AGBL4: variants seen among roughly 807,000 people sequenced by gnomAD.
AGBL4 encodes the protein AGBL carboxypeptidase 4.
In AGBL4, 58 loss-of-function variants were observed where a neutral mutation model predicts 66.4. The ratio of observed to expected loss-of-function variants is 0.87; its 90% CI spans 0.71 to 1.09. The LOEUF is 1.09. AGBL4 is among the 50% of genes least tolerant of loss of function. AGBL4 has a pLI of 0.00. For synonymous variants in AGBL4, 234 were observed against 222.9 expected (o/e 1.05, Z -0.44); for missense variants, 579 against 631.0 (o/e 0.92, Z 0.88).
At chr1:48,532,055 A>T (rs2148247712), downstream of AGBL4, among the ~76,000 whole-genome samples, 1 of 152,256 alleles carries the variant, frequency 6.6e-6, no homozygotes, top group South Asian at 2.1e-4. Context: ...AAGTGTTGGG[A>T]TTACAGGTGT....
intron 3 of AGBL4, among the ~76,000 whole-genome samples, chr1:49,260,990 A>G (rs1377326313): frequency 3.3e-5 from 5 of 151,496 alleles, no homozygotes; most frequent in Non-Finnish European, 5.9e-5. Context: ...CCTGCGATGC[A>G]AGGCTGGTTC....
chr1:48,883,761 T>A lies in AGBL4; in HGVS notation c.595-16531A>T, dbSNP rs574889144. On this transcript the variant is annotated intron_variant, in intron 5 of 13. Coordinates refer to ENST00000371839, the MANE Select transcript of AGBL4 (RefSeq NM_032785.4). ...TCGATAAATTAATAAAGGAGCAGAA[T>A]CAAAATAGTCTACAGAGTTGGTAAA... is the stretch of plus-strand genomic sequence containing the variant. Among the ~76,000 whole-genome samples the A allele has an allele frequency of 2.6e-5, 4 of 152,232 alleles. No homozygotes were observed. In the South Asian group the frequency reaches 6.2e-4, roughly 24 times the overall value.
At chr1:49,398,082 C>T (rs1293811141) in intron 3 of AGBL4, among the ~76,000 whole-genome samples, 4 of 152,194 alleles carry the variant, frequency 2.6e-5, no homozygotes, top group Non-Finnish European at 5.9e-5. Flanking sequence ...TGCTCTTCCT[C>T]ATTTGTCTCC....
chr1:49,702,069 T>A (rs1425949401), intron 2 of AGBL4, among the ~76,000 whole-genome samples: 2 of 151,932 alleles, frequency 1.3e-5, no homozygotes, highest in Non-Finnish European at 2.9e-5. Flanking sequence ...TAAAAATAAA[T>A]ATGGATATCT....
chr1:48,856,255 G>C (rs866142791), intron 6 of AGBL4, among the ~76,000 whole-genome samples: 2 of 152,220 alleles, frequency 1.3e-5, no homozygotes, highest in Non-Finnish European at 2.9e-5. Flanking sequence ...GCAACATGGA[G>C]ATTGTTTATG....
At chr1:48,607,653 C>T (rs151214344) in intron 9 of AGBL4, among the ~76,000 whole-genome samples, 6 of 151,936 alleles carry the variant, frequency 3.9e-5, no homozygotes, top group Admixed American at 6.6e-5. Context: ...GTCTGTTGAA[C>T]GGCACCATTC....
At chr1:49,512,581 C>G (rs893988684) in intron 3 of AGBL4, among the ~76,000 whole-genome samples, 3 of 151,786 alleles carry the variant, frequency 2.0e-5, no homozygotes, top group African/African-American at 7.3e-5. Context: ...TGTGACATAC[C>G]TGCTCCCTCT....
intron 6 of AGBL4, among the ~76,000 whole-genome samples, chr1:48,805,774 C>T (rs2148749831): frequency 6.6e-6 from 1 of 152,334 alleles, no homozygotes; most frequent in East Asian, 1.9e-4. Flanking sequence ...TCTCCCATCT[C>T]ATGCTCTATG....
chr1:49,625,918 A>AT, intron 3 of AGBL4, among the ~76,000 whole-genome samples: 1 of 152,258 alleles, frequency 6.6e-6, no homozygotes, highest in Non-Finnish European at 1.5e-5. Flanking sequence ...ATCAGCAAGG[A>AT]TATGAATGTC....
At chr1:48,539,834 T>C (rs771451854) in intron 11 of AGBL4, 96 bp from the exon 12 acceptor site, 161 of 785,414 alleles carry the variant, frequency 2.0e-4, no homozygotes, top group Non-Finnish European at 2.6e-4. Context: ...ATAAAAACAG[T>C]TACACACTCA....
intron 9 of AGBL4, among the ~76,000 whole-genome samples, chr1:48,617,669 GGGCT>G (rs1416001098): frequency 6.6e-6 from 1 of 151,998 alleles, no homozygotes; most frequent in African/African-American, 2.4e-5. Context: ...TCTGTCCTAC[GGGCT>G]GGCCGTTGTT....
At chr1:49,023,691 G>A (rs1177877731) in intron 5 of AGBL4, among the ~76,000 whole-genome samples, 1 of 152,036 alleles carries the variant, frequency 6.6e-6, no homozygotes, top group Non-Finnish European at 1.5e-5. Flanking sequence ...GAATCCAAAA[G>A]GTCAGCTACA....
chr1:48,974,267 C>A (rs1342157240), intron 5 of AGBL4, among the ~76,000 whole-genome samples: 8 of 152,088 alleles, frequency 5.3e-5, no homozygotes, highest in Non-Finnish European at 1.2e-4. Flanking sequence ...TCAGAAGAGT[C>A]CCCCATTACC....
chr1:49,832,959 T>C (rs1055743950), intron 2 of AGBL4, among the ~76,000 whole-genome samples: 11 of 152,004 alleles, frequency 7.2e-5, no homozygotes, highest in Non-Finnish European at 1.3e-4. Context: ...TTCACTCTGA[T>C]GGTAGTTTCT....
At chr1:49,733,284 A>C (rs886315921) in intron 2 of AGBL4, among the ~76,000 whole-genome samples, 5 of 152,206 alleles carry the variant, frequency 3.3e-5, no homozygotes, top group Non-Finnish European at 7.3e-5. Flanking sequence ...AATAATAAGA[A>C]AGTCTTTCAA....
intron 6 of AGBL4, among the ~76,000 whole-genome samples, chr1:48,827,143 A>T (rs1002770090): frequency 1.3e-5 from 2 of 152,158 alleles, no homozygotes; most frequent in Admixed American, 6.5e-5. Flanking sequence ...TCAGTATGCT[A>T]TTACTGTACT....
chr1:49,467,316 G>A (rs1466775376), intron 3 of AGBL4, among the ~76,000 whole-genome samples: 1 of 151,884 alleles, frequency 6.6e-6, no homozygotes, highest in African/African-American at 2.4e-5. Flanking sequence ...GGTTAGACAT[G>A]AAAGATCAAA....
chr1:48,943,018 A>G (rs1461583993), intron 5 of AGBL4, among the ~76,000 whole-genome samples: 1 of 152,174 alleles, frequency 6.6e-6, no homozygotes, highest in Non-Finnish European at 1.5e-5. Flanking sequence ...TTTCCCCTTT[A>G]TCGTAGTTAT....
At chr1:49,781,499 C>T (rs898899747) in intron 2 of AGBL4, among the ~76,000 whole-genome samples, 2 of 151,944 alleles carry the variant, frequency 1.3e-5, no homozygotes, top group African/African-American at 2.4e-5. Context: ...ATATATGAAG[C>T]AAAACATGAC....
Sources: allele counts gnomAD v4.1 joint callset (sites outside exome capture counted in the v4.1 genomes callset), GRCh38; gene constraint gnomAD v4.1.1; transcripts MANE v1.5; gene names NCBI Gene and HGNC (gene_info 2026-07-23, HGNC 2026-07-21).